The following ZZZ3 variants were observed in gnomAD, a reference collection of about 807,000 sequenced individuals.
The protein encoded by ZZZ3 is ZZ-type zinc finger-containing protein 3.
A neutral mutation model predicts 95.2 loss-of-function variants in ZZZ3; 22 were observed. That is an observed-to-expected ratio of 0.23 (90% CI 0.17 to 0.33). ZZZ3 has a LOEUF of 0.33. Among genes scored for constraint, ZZZ3 ranks in the 10% least tolerant of loss-of-function variants. ZZZ3 has a pLI of 1.00. For synonymous variants in ZZZ3, 335 were observed against 358.9 expected (o/e 0.93, Z 0.75); for missense variants, 885 against 1,066.5 (o/e 0.83, Z 2.37).
chr1:77,676,477 T>C lies in ZZZ3; in HGVS notation c.-403+6108A>G, dbSNP rs564452496. Among the ~76,000 whole-genome samples, 171 of 152,360 alleles carry C rather than the reference T, an allele frequency of 1.1e-3. 6 individuals carry two copies. In the South Asian group the frequency reaches 0.033, roughly 29 times the overall value. On this transcript the variant is annotated intron_variant, in intron 1 of 14. Coordinates refer to ENST00000370801, the MANE Select transcript of ZZZ3 (RefSeq NM_015534.6). ...GCCACTGTGGCCAGCATAGTACTTT[T>C]AAGTAGTTTCACATTTTATCTCTGT... is the stretch of plus-strand genomic sequence containing the variant.
intron 1 of ZZZ3, among the ~76,000 whole-genome samples, chr1:77,646,515 G>A (rs918381842): frequency 3.9e-5 from 6 of 152,036 alleles, no homozygotes; most frequent in East Asian, 3.9e-4. Flanking sequence ...GAGTTATGGC[G>A]CCCAGCTCTG....
chr1:77,612,844 C>T lies in ZZZ3; in HGVS notation c.1505+19006G>A, dbSNP rs576624953. ...GTCAAAGGATACAAAATTGTAGATA[C>T]CTAGGATGATCAAGTTTAGAGAGCT... On this transcript the variant is annotated intron_variant, in intron 5 of 14. Coordinates refer to ENST00000370801, the MANE Select transcript of ZZZ3 (RefSeq NM_015534.6). 1.7e-3 allele frequency among the ~76,000 whole-genome samples: 255 copies of T among 151,754 alleles called. 2 individuals are homozygous for T. Among genetic ancestry groups the T allele is most frequent in the African/African-American group, 5.3e-3 (221 of 41,438 alleles).
chr1:77,667,501 A>G (rs1447365300), intron 1 of ZZZ3, among the ~76,000 whole-genome samples: 1 of 152,130 alleles, frequency 6.6e-6, no homozygotes, highest in South Asian at 2.1e-4. Flanking sequence ...TTCTTTATTG[A>G]CTAGTCCTTT....
At chr1:77,607,803 T>C (rs1246708808) in intron 5 of ZZZ3, among the ~76,000 whole-genome samples, 1 of 151,484 alleles carries the variant, frequency 6.6e-6, no homozygotes, top group Non-Finnish European at 1.5e-5. Flanking sequence ...GTGCCTGTAG[T>C]CCCAGCTGTG....
chr1:77,622,627 T>C (rs775611579), intron 5 of ZZZ3, among the ~76,000 whole-genome samples: 1 of 152,172 alleles, frequency 6.6e-6, no homozygotes, highest in Admixed American at 6.5e-5. Context: ...CTTAGACTCT[T>C]AGAATTACCA....
rs1394072980 is a variant in ZZZ3 at position 77,631,910 on chromosome 1, T to C, written c.1445A>G (p.Asp482Gly). 6.2e-7 allele frequency: 1 copy of C among 1,613,332 alleles called. No homozygotes were observed. Among genetic ancestry groups the C allele is most frequent in the Non-Finnish European group, 8.5e-7 (1 of 1,179,658 alleles). The part of the protein sequence containing the change: ...SASQHITEEE[D>G]DDPDVYYFES... ...AAAGTAATAAACATCAGGATCATCA[T>C]CTTCCTCTTCTGTAATGTGCTGACT... Residue 482 changes from aspartate (D) to glycine (G), a missense_variant, in exon 5 of 15, where the codon GAT becomes GGT. Physicochemically the swap from Asp to Gly is moderately conservative, Grantham distance 94 (BLOSUM62 -1). Coordinates refer to ENST00000370801, the MANE Select transcript of ZZZ3 (RefSeq NM_015534.6).
chr1:77,616,799 G>A lies in ZZZ3; in HGVS notation c.1505+15051C>T, dbSNP rs774027969. Among the ~76,000 whole-genome samples, 127 of 152,178 alleles carry A rather than the reference G, an allele frequency of 8.3e-4. 1 individual carries two copies. Among genetic ancestry groups the A allele is most frequent in the Non-Finnish European group, 1.5e-3 (101 of 67,990 alleles). On this transcript the variant is annotated intron_variant, in intron 5 of 14. Transcript: ENST00000370801. ...GGAGAATCGCTGGAACCCAGGAGGC[G>A]GAGGTTGCAGTGAGCCAAGATCGCG...
At chr1:77,674,766 A>G (rs1336135814) in intron 1 of ZZZ3, among the ~76,000 whole-genome samples, 1 of 152,028 alleles carries the variant, frequency 6.6e-6, no homozygotes, top group Non-Finnish European at 1.5e-5. Flanking sequence ...AGTCTCCCCA[A>G]CATGGCAAAA....
At chr1:77,599,509 T>C (rs1015486519) in intron 5 of ZZZ3, among the ~76,000 whole-genome samples, 1 of 152,062 alleles carries the variant, frequency 6.6e-6, no homozygotes. Context: ...CTTTTCATAA[T>C]ATAATTATTT....
intron 1 of ZZZ3, among the ~76,000 whole-genome samples, chr1:77,661,346 G>A (rs187519657): frequency 2.8e-4 from 43 of 152,274 alleles, no homozygotes; most frequent in Admixed American, 5.2e-4. Flanking sequence ...CCAGGAGTCC[G>A]AGGCTGCAGT....
At chr1:77,578,752 A>C in intron 11 of ZZZ3, 22 bp downstream of exon 11, 1 of 1,352,366 alleles carries the variant, frequency 7.4e-7, no homozygotes. Context: ...TCTACAGTTT[A>C]CTTTCATGTA....
chr1:77,578,907 G>A, intron 10 of ZZZ3, 38 bp from the exon 11 acceptor site: 1 of 1,330,788 alleles, frequency 7.5e-7, no homozygotes, highest in Non-Finnish European at 1.0e-6. Flanking sequence ...ACAATGAGAT[G>A]ACATACAATA....
intron 3 of ZZZ3, 66 bp downstream of exon 3, chr1:77,641,318 T>C: frequency 2.7e-6 from 1 of 369,944 alleles, no homozygotes; most frequent in Non-Finnish European, 4.8e-6. Context: ...ATAGGAAGAT[T>C]ATCCACTACG....
intron 5 of ZZZ3, among the ~76,000 whole-genome samples, chr1:77,602,175 CAA>C (rs999625363): frequency 9.9e-5 from 15 of 152,172 alleles, no homozygotes; most frequent in African/African-American, 3.6e-4. Context: ...TCAACAAGAG[CAA>C]AGACAATGGG....
chr1:77,615,898 T>A (rs1020863118), intron 5 of ZZZ3, among the ~76,000 whole-genome samples: 10 of 152,146 alleles, frequency 6.6e-5, no homozygotes, highest in Admixed American at 1.3e-4. Flanking sequence ...ATGTAACCAC[T>A]ACATAATTCC....
chr1:77,640,197 G>C (rs867749346), intron 3 of ZZZ3, among the ~76,000 whole-genome samples: 1 of 151,934 alleles, frequency 6.6e-6, no homozygotes, highest in Non-Finnish European at 1.5e-5. Context: ...AGGATTTTCC[G>C]GTTTTAGTAC....
At chr1:77,629,349 G>T (rs1393183380) in intron 5 of ZZZ3, among the ~76,000 whole-genome samples, 1 of 152,180 alleles carries the variant, frequency 6.6e-6, no homozygotes, top group African/African-American at 2.4e-5. Context: ...CAGGTTAGGT[G>T]GTTCATGCCT....
intron 1 of ZZZ3, among the ~76,000 whole-genome samples, chr1:77,648,046 T>C (rs530143291): frequency 1.5e-3 from 222 of 152,216 alleles, no homozygotes; most frequent in Non-Finnish European, 2.6e-3. Flanking sequence ...AAATTGAGAA[T>C]GCCTGGAATC....
chr1:77,666,487 C>T (rs1339927980), intron 1 of ZZZ3, among the ~76,000 whole-genome samples: 2 of 151,980 alleles, frequency 1.3e-5, no homozygotes, highest in Non-Finnish European at 2.9e-5. Context: ...GAGCCAAGAT[C>T]GTGCCACTGC....
Sources: allele counts gnomAD v4.1 joint callset (sites outside exome capture counted in the v4.1 genomes callset), GRCh38; gene constraint gnomAD v4.1.1; transcripts MANE v1.5; gene names NCBI Gene and HGNC (gene_info 2026-07-23, HGNC 2026-07-21).